ROBO2: variants seen among roughly 807,000 people sequenced by gnomAD.
The protein encoded by ROBO2 is roundabout homolog 2.
Under a neutral mutation model 160.8 loss-of-function variants are expected in ROBO2, and 53 were observed. The observed-to-expected ratio is 0.33, with a 90% confidence interval of 0.26 to 0.41. ROBO2 has a LOEUF of 0.41. ROBO2 is among the 10% of genes least tolerant of loss of function. The pLI is 1.00. For synonymous variants in ROBO2, 664 were observed against 611.7 expected, an observed-to-expected ratio of 1.09 and a Z score of -1.26; for missense variants, 1,577 against 1,722.4, an observed-to-expected ratio of 0.92 and a Z score of 1.49.
intron 2 of ROBO2, among the ~76,000 whole-genome samples, chr3:76,063,515 ATT>A (rs113318539): frequency 7.0e-6 from 1 of 142,156 alleles, no homozygotes. Context: ...GACCAATTTT[ATT>A]TTTTTTTTTG....
chr3:77,407,756 A>G (rs1007739895), intron 2 of ROBO2, among the ~76,000 whole-genome samples: 2 of 152,216 alleles, frequency 1.3e-5, no homozygotes, highest in Admixed American at 1.3e-4. Context: ...TTTATTTTAG[A>G]CATTACTCTT....
At chr3:77,290,808 G>C (rs1461006288) in intron 2 of ROBO2, among the ~76,000 whole-genome samples, 2 of 102,386 alleles carry the variant, frequency 2.0e-5, no homozygotes, top group African/African-American at 3.3e-5. Context: ...GATCACCCCA[G>C]ACATAAAGTA....
At chr3:76,639,330 A>G (rs1334913220) in intron 2 of ROBO2, among the ~76,000 whole-genome samples, 2 of 148,630 alleles carry the variant, frequency 1.3e-5, no homozygotes, top group African/African-American at 5.2e-5. Context: ...ACATGTATAT[A>G]TGTGTGTGTG....
At chr3:76,356,552 G>A (rs908774855) in intron 2 of ROBO2, among the ~76,000 whole-genome samples, 2 of 151,462 alleles carry the variant, frequency 1.3e-5, no homozygotes, top group African/African-American at 4.8e-5. Flanking sequence ...ACCAGATTGA[G>A]ACTTAACAAT....
intron 2 of ROBO2, among the ~76,000 whole-genome samples, chr3:76,082,519 C>T (rs2068869413): frequency 1.3e-5 from 2 of 151,982 alleles, no homozygotes; most frequent in South Asian, 4.1e-4. Context: ...AAAATAACTC[C>T]TGTGTTCCCT....
At chr3:76,974,484 C>T (rs2059718366) in intron 2 of ROBO2, among the ~76,000 whole-genome samples, 2 of 152,110 alleles carry the variant, frequency 1.3e-5, no homozygotes, top group African/African-American at 2.4e-5. Flanking sequence ...GAAAGCAACT[C>T]GGCCAAGGTC....
At position 76,421,328 on chromosome 3, in the gene ROBO2, GA is replaced by G. The variant is rs1377595492; in HGVS notation, c.109+483732del. Among the ~76,000 whole-genome samples, 4 of 152,134 alleles carry G rather than the reference GA, an allele frequency of 2.6e-5. No individual in the cohort carries two copies. The East Asian group carries it at 7.7e-4, about 29-fold the overall frequency. Reference sequence around the variant, plus strand: ...ACTGCAATTGCTGAAAACAATAGCCGAAAAAAGGTTCAACATGCCTATTGAA... The same window carrying G: ...ACTGCAATTGCTGAAAACAATAGCCGAAAAAGGTTCAACATGCCTATTGAA... On this transcript the variant is annotated intron_variant, in intron 2 of 26. Transcript: ENST00000487694.
intron 5 of ROBO2, among the ~76,000 whole-genome samples, chr3:77,504,821 A>G (rs1268710175): frequency 1.3e-5 from 2 of 152,218 alleles, no homozygotes; most frequent in East Asian, 3.9e-4. Context: ...AAGGTGAACT[A>G]TATACAAACT....
At chr3:77,075,649 A>G (rs1425147967) in intron 1 of ROBO2, among the ~76,000 whole-genome samples, 1 of 149,852 alleles carries the variant, frequency 6.7e-6, no homozygotes, top group Non-Finnish European at 1.5e-5. Flanking sequence ...GTTCAAATAT[A>G]CACTACTATT....
intron 2 of ROBO2, among the ~76,000 whole-genome samples, chr3:76,214,369 C>T (rs941640295): frequency 1.3e-5 from 2 of 152,166 alleles, no homozygotes; most frequent in East Asian, 3.9e-4. Context: ...CGAGGCATTG[C>T]CTCACCCAGG....
chr3:76,264,343 T>TC (rs1189862993), intron 2 of ROBO2, among the ~76,000 whole-genome samples: 52 of 151,556 alleles, frequency 3.4e-4, no homozygotes, highest in Non-Finnish European at 5.3e-4. Context: ...TTTTTTTTTT[T>TC]CCCCCTTGGT....
At chr3:75,950,238 A>G (rs1357743670) in intron 2 of ROBO2, among the ~76,000 whole-genome samples, 2 of 152,086 alleles carry the variant, frequency 1.3e-5, no homozygotes, top group African/African-American at 4.8e-5. Flanking sequence ...TAAAATATTA[A>G]AGGTCAGATT....
chr3:77,072,010 G>A (rs1480838739), intron 1 of ROBO2, among the ~76,000 whole-genome samples: 1 of 152,142 alleles, frequency 6.6e-6, no homozygotes, highest in Non-Finnish European at 1.5e-5. Flanking sequence ...AGCGGTGGGT[G>A]AGAGAGTGAA....
intron 2 of ROBO2, among the ~76,000 whole-genome samples, chr3:77,212,116 T>G (rs2084257801): frequency 6.6e-6 from 1 of 152,166 alleles, no homozygotes; most frequent in African/African-American, 2.4e-5. Context: ...GTGAAGAAAG[T>G]CATTGGTAGC....
At chr3:76,858,823 T>C (rs1314421149) in intron 2 of ROBO2, among the ~76,000 whole-genome samples, 1 of 152,174 alleles carries the variant, frequency 6.6e-6, no homozygotes, top group Non-Finnish European at 1.5e-5. Flanking sequence ...TCCACATTTG[T>C]GTGGTATCAA....
At chr3:76,831,606 G>A (rs1049160156) in intron 2 of ROBO2, among the ~76,000 whole-genome samples, 13 of 152,034 alleles carry the variant, frequency 8.6e-5, no homozygotes, top group South Asian at 4.1e-4. Flanking sequence ...GGAGACCAGC[G>A]CAGCCATTTG....
intron 4 of ROBO2, among the ~76,000 whole-genome samples, chr3:77,489,325 C>T (rs1309114630): frequency 1.3e-5 from 2 of 152,168 alleles, no homozygotes; most frequent in East Asian, 1.9e-4. Flanking sequence ...AAATTGTATA[C>T]CACATATGCT....
intron 19 of ROBO2, among the ~76,000 whole-genome samples, chr3:77,597,857 G>A (rs1221368866): frequency 6.6e-6 from 1 of 152,118 alleles, no homozygotes; most frequent in African/African-American, 2.4e-5. Flanking sequence ...AAATATAGAA[G>A]GATAGATAAC....
At chr3:76,783,514 C>CT (rs71717480) in intron 2 of ROBO2, among the ~76,000 whole-genome samples, 24,677 of 139,752 alleles carry the variant, frequency 0.18, 2,326 homozygotes, top group Non-Finnish European at 0.23. Flanking sequence ...TAGTTTCTTT[C>CT]TTTTTTTTTT....
Sources: gnomAD v4.1 joint callset for allele counts (sites outside exome capture counted in the v4.1 genomes callset) on GRCh38, gnomAD v4.1.1 for gene constraint, MANE v1.5 for transcripts, NCBI Gene and HGNC (gene_info 2026-07-23, HGNC 2026-07-21) for gene names.